SLC35F3: variants seen among roughly 807,000 people sequenced by gnomAD.
SLC35F3 encodes putative thiamine transporter SLC35F3.
Under a neutral mutation model 49.9 loss-of-function variants are expected in SLC35F3, and 25 were observed. That is an observed-to-expected ratio of 0.50 (90% CI 0.37 to 0.70). The LOEUF is 0.70. SLC35F3 is among the 30% of genes least tolerant of loss of function. SLC35F3 has a pLI of 0.00. For missense variants in SLC35F3, 525 were observed against 639.8 expected (o/e 0.82, Z 1.94); for synonymous variants, 275 against 265.4 (o/e 1.04, Z -0.35).
At chr1:233,937,608 T>A (rs1662355612) in intron 2 of SLC35F3, among the ~76,000 whole-genome samples, 1 of 152,210 alleles carries the variant, frequency 6.6e-6, no homozygotes, top group Non-Finnish European at 1.5e-5. Flanking sequence ...GAAGGGCAAA[T>A]TTGTAGACAA....
chr1:234,086,335 CTA>C (rs1391964152), intron 2 of SLC35F3, among the ~76,000 whole-genome samples: 12 of 152,282 alleles, frequency 7.9e-5, no homozygotes, highest in African/African-American at 2.9e-4. Flanking sequence ...TTGGGTGAGA[CTA>C]TGAAGGGCTA....
At chr1:234,057,837 C>T (rs886752579) in intron 2 of SLC35F3, among the ~76,000 whole-genome samples, 3 of 152,150 alleles carry the variant, frequency 2.0e-5, no homozygotes, top group East Asian at 3.8e-4. Flanking sequence ...TTCTGAGTAG[C>T]TGGAATTACA....
chr1:233,969,063 G>GGC (rs1553292592), intron 2 of SLC35F3, among the ~76,000 whole-genome samples: 1 of 150,492 alleles, frequency 6.6e-6, no homozygotes, highest in Non-Finnish European at 1.5e-5. Context: ...CATATTTTGG[G>GGC]GGGGGGGACA....
intron 2 of SLC35F3, 70 bp downstream of exon 2, chr1:233,905,828 G>A: frequency 7.0e-7 from 1 of 1,428,014 alleles, no homozygotes; most frequent in Non-Finnish European, 9.6e-7. Flanking sequence ...GCAGCCTCGG[G>A]GAGCGCACGC....
intron 2 of SLC35F3, among the ~76,000 whole-genome samples, chr1:233,938,776 A>G (rs1662375587): frequency 6.6e-6 from 1 of 152,120 alleles, no homozygotes; most frequent in South Asian, 2.1e-4. Flanking sequence ...ATAGACACAG[A>G]GGAACTAGTC....
intron 2 of SLC35F3, among the ~76,000 whole-genome samples, chr1:234,166,047 T>TGAGTA (rs2102916063): frequency 6.6e-6 from 1 of 152,346 alleles, no homozygotes; most frequent in African/African-American, 2.4e-5. Flanking sequence ...TTTTTATGGC[T>TGAGTA]GAGTAGTATT....
At chr1:234,275,331 T>TG (rs1553260402) in intron 3 of SLC35F3, among the ~76,000 whole-genome samples, 10 of 144,674 alleles carry the variant, frequency 6.9e-5, no homozygotes, top group Admixed American at 3.4e-4. Flanking sequence ...CATCCCAAAA[T>TG]CCCAAAAAAA....
At chr1:234,258,189 G>C (rs572704041) in intron 3 of SLC35F3, among the ~76,000 whole-genome samples, 34 of 152,336 alleles carry the variant, frequency 2.2e-4, no homozygotes, top group Middle Eastern at 3.4e-3. Context: ...AGGGAATGGG[G>C]AATGCTGATT....
intron 3 of SLC35F3, among the ~76,000 whole-genome samples, chr1:234,277,548 C>T (rs1294407949): frequency 6.6e-6 from 1 of 152,186 alleles, no homozygotes; most frequent in African/African-American, 2.4e-5. Flanking sequence ...TACTTTAGTA[C>T]TCTTCTAAAT....
chr1:234,316,897 C>T (rs544948420), intron 5 of SLC35F3, among the ~76,000 whole-genome samples, 170 bp downstream of exon 5: 62 of 152,356 alleles, frequency 4.1e-4, no homozygotes, highest in African/African-American at 1.3e-3. Flanking sequence ...ACAGAGACTT[C>T]AGTCAAGGGC....
At chr1:234,307,329 T>C (rs1046373582) in intron 3 of SLC35F3, among the ~76,000 whole-genome samples, 30 of 152,190 alleles carry the variant, frequency 2.0e-4, no homozygotes, top group African/African-American at 7.0e-4. Flanking sequence ...TAGGACTCTG[T>C]GTACAGAGAG....
chr1:234,021,658 G>A (rs1663897938), intron 2 of SLC35F3, among the ~76,000 whole-genome samples: 1 of 152,206 alleles, frequency 6.6e-6, no homozygotes, highest in Admixed American at 6.5e-5. Flanking sequence ...GTATTAGGCT[G>A]TTGAAACTTG....
chr1:234,008,939 CT>C (rs1453987637), intron 2 of SLC35F3, among the ~76,000 whole-genome samples: 1 of 152,126 alleles, frequency 6.6e-6, no homozygotes, highest in Non-Finnish European at 1.5e-5. Context: ...TTCCCTTTTC[CT>C]TTTTTCTGGA....
intron 2 of SLC35F3, among the ~76,000 whole-genome samples, chr1:234,170,254 G>T (rs1160528128): frequency 6.6e-6 from 1 of 152,136 alleles, no homozygotes; most frequent in African/African-American, 2.4e-5. Flanking sequence ...CTTCACAGAT[G>T]GCCTGACCCC....
At chr1:233,992,227 T>A (rs1481682664) in intron 2 of SLC35F3, among the ~76,000 whole-genome samples, 1 of 152,186 alleles carries the variant, frequency 6.6e-6, no homozygotes, top group African/African-American at 2.4e-5. Flanking sequence ...TCACACTAAA[T>A]AAATACAATA....
chr1:234,147,898 A>G (rs757201281), intron 2 of SLC35F3, among the ~76,000 whole-genome samples: 6 of 152,200 alleles, frequency 3.9e-5, no homozygotes, highest in Non-Finnish European at 5.9e-5. Context: ...TGGCATCTCT[A>G]ACAAGTCCAC....
At chr1:234,031,551 G>T (rs60893146) in intron 2 of SLC35F3, among the ~76,000 whole-genome samples, 15,989 of 151,914 alleles carry the variant, frequency 0.11, 1,295 homozygotes, top group East Asian at 0.25. Flanking sequence ...ACTCCTTTTT[G>T]GGGGGGCATG....
intron 2 of SLC35F3, among the ~76,000 whole-genome samples, chr1:234,003,480 A>T (rs1663583208): frequency 6.6e-6 from 1 of 152,218 alleles, no homozygotes; most frequent in Non-Finnish European, 1.5e-5. Context: ...AAACAAAGTT[A>T]GGCTTCTACA....
At chr1:234,142,668 A>G (rs1331509993) in intron 2 of SLC35F3, among the ~76,000 whole-genome samples, 3 of 152,182 alleles carry the variant, frequency 2.0e-5, no homozygotes, top group Non-Finnish European at 4.4e-5. Context: ...TCAAAAAAAA[A>G]ACGCATGATG....
Sources: allele counts gnomAD v4.1 joint callset (sites outside exome capture counted in the v4.1 genomes callset), GRCh38; gene constraint gnomAD v4.1.1; transcripts MANE v1.5; gene names NCBI Gene and HGNC (gene_info 2026-07-23, HGNC 2026-07-21).